The following CYGB variants were observed in gnomAD, a reference collection of about 807,000 sequenced individuals.
CYGB encodes the protein histoglobin.
Under a neutral mutation model 20.7 loss-of-function variants are expected in CYGB, and 13 were observed. The ratio of observed to expected loss-of-function variants is 0.63; its 90% CI spans 0.41 to 1.00. The LOEUF (loss-of-function observed/expected upper bound fraction) is 1.00, where lower values mean the gene tolerates loss of function less well. Ranked by LOEUF, CYGB falls within the 50% of genes least tolerant of loss-of-function variation. The pLI is 0.00. For missense variants in CYGB, 218 were observed against 257.2 expected (o/e 0.85, Z 1.04); for synonymous variants, 93 against 107.4 (o/e 0.87, Z 0.83).
upstream of CYGB, chr17:76,540,258 G>GA (rs765737108): frequency 1.8e-6 from 2 of 1,100,862 alleles, 1 homozygote; most frequent in Non-Finnish European, 2.7e-6. This position sits in a 1 kb window ranked among gnomAD's most constrained non-coding sequence, Gnocchi z 5.0. Context: ...GGTCGGGGGG[G>GA]GGGGGCATGG....
At chr17:76,529,246 G>C (rs2074804635) in intron 3 of CYGB, 7 of 985,292 alleles carry the variant, frequency 7.1e-6, no homozygotes, top group Non-Finnish European at 8.4e-6. Context: ...CTCAGGCCAG[G>C]GACACTAGGG....
chr17:76,547,196 A>C (rs1041121080), intron 1 of CYGB: 2 of 152,296 alleles, frequency 1.3e-5, no homozygotes, highest in Non-Finnish European at 2.9e-5. Context: ...CTGCCCCTTT[A>C]GGACCCCTCA....
Position 76,528,030 on chromosome 17 carries a change from C to T in CYGB, c.*548G>A. 2.7e-6 allele frequency: 1 copy of T among 369,176 alleles called. No individual in the cohort carries two copies. Among genetic ancestry groups the T allele is most frequent in the Non-Finnish European group, 5.3e-6 (1 of 189,768 alleles). 22.9% of individuals were successfully genotyped at this position (369,176 alleles called of 1,614,324 possible). A position where few individuals can be genotyped will look rare whatever the true frequency, so the allele number is the denominator to read the frequency against. Reference sequence around the variant, plus strand: ...CTTTGCCAGAACACTCTGTTCTCTGCACAACCGGAACCCCTCCCTGCCCCA... The same window carrying T: ...CTTTGCCAGAACACTCTGTTCTCTGTACAACCGGAACCCCTCCCTGCCCCA... On this transcript the variant is annotated 3_prime_UTR_variant, in exon 4 of 4. Coordinates refer to ENST00000293230, the MANE Select transcript of CYGB (RefSeq NM_134268.5). The surrounding 1 kb of genome is among the most constrained non-coding windows in gnomAD (Gnocchi z 5.8).
upstream of CYGB, chr17:76,540,643 G>A (rs970752458): frequency 9.7e-5 from 139 of 1,440,130 alleles, no homozygotes; most frequent in Middle Eastern, 3.1e-3. The surrounding 1 kb of genome is among the most constrained non-coding windows in gnomAD (Gnocchi z 5.0). Context: ...ATGCCTGGGG[G>A]TGCACGTGTG....
chr17:76,540,429 C>T (rs1567911160), upstream of CYGB: 6 of 1,509,668 alleles, frequency 4.0e-6, no homozygotes, highest in South Asian at 1.1e-5. This position sits in a 1 kb window ranked among gnomAD's most constrained non-coding sequence, Gnocchi z 5.0. Flanking sequence ...TAGCCCAATG[C>T]GGCCTGGACC....
chr17:76,535,411 T>C (rs1015550860), intron 1 of CYGB, among the ~76,000 whole-genome samples: 36 of 152,098 alleles, frequency 2.4e-4, no homozygotes, highest in Non-Finnish European at 1.5e-4. Flanking sequence ...CAGGAGCCCT[T>C]ATCCCCCTTT....
Position 76,528,673 on chromosome 17 carries a change from G to A in CYGB, c.540-62C>T, listed in dbSNP as rs2074796076. 1 of 1,239,812 alleles carries A rather than the reference G, an allele frequency of 8.1e-7. No individual in the cohort carries two copies. The highest frequency in any genetic ancestry group is 1.6e-5 in the African/African-American group (1 of 64,452). The allele number at this position is 1,239,812 out of a possible 1,614,324, so 76.8% of individuals were successfully genotyped here. A position where few individuals can be genotyped will look rare whatever the true frequency, so the allele number is the denominator to read the frequency against. ...CAGAGGCAGGGAAGGACCCTCGGGGGAAAGGGGGAGGACCTGGGGCTGGCG... is the reference window on the plus strand; with the variant it reads ...CAGAGGCAGGGAAGGACCCTCGGGGAAAAGGGGGAGGACCTGGGGCTGGCG... On this transcript the variant is annotated intron_variant, in intron 3 of 3. Coordinates refer to ENST00000293230, the MANE Select transcript of CYGB (RefSeq NM_134268.5). This position sits in a 1 kb window ranked among gnomAD's most constrained non-coding sequence, Gnocchi z 5.8.
At chr17:76,538,412 C>G (rs1018185152), upstream of CYGB, 1 of 432,788 alleles carries the variant, frequency 2.3e-6, no homozygotes, top group African/African-American at 2.1e-5. Context: ...GAGGCCTGCG[C>G]CCCCTCTCCT....
rs2074788663 is a variant in CYGB, at chr17:76,528,116, G to A, written c.*462C>T. 7.0e-6 allele frequency: 3 copies of A among 426,172 alleles called. No homozygotes were observed. Among genetic ancestry groups the A allele is most frequent in the African/African-American group, 2.0e-5 (1 of 50,372 alleles). The allele number at this position is 426,172 out of a possible 1,614,324, so 26.4% of individuals were successfully genotyped here. A position where few individuals can be genotyped will look rare whatever the true frequency, so the allele number is the denominator to read the frequency against. On this transcript the variant is annotated 3_prime_UTR_variant, in exon 4 of 4. Coordinates refer to ENST00000293230, the MANE Select transcript of CYGB (RefSeq NM_134268.5). This position sits in a 1 kb window ranked among gnomAD's most constrained non-coding sequence, Gnocchi z 5.8. ...GCGGATACACATTCTAGATATGTAT[G>A]TGTGTATATATATATGTATATATAT...
intron 1 of CYGB, among the ~76,000 whole-genome samples, chr17:76,536,146 C>A (rs185650920): frequency 6.6e-6 from 1 of 152,316 alleles, no homozygotes; most frequent in Admixed American, 6.5e-5. Context: ...TGTTTCTGGG[C>A]TTGGGGGCTG....
At chr17:76,543,496 G>A (rs985207319) in intron 1 of CYGB, 27 of 348,028 alleles carry the variant, frequency 7.8e-5, no homozygotes, top group Admixed American at 7.7e-5. Flanking sequence ...GCCTGGTAAT[G>A]TTATTATCCA....
In CYGB at chr17:76,546,304, C is replaced by T. The variant is rs896510699; in HGVS notation, c.-53+4558G>A. ...TCTCTCCTGGAGACTGGAGCATGAC[C>T]AGGGAACTAATGAGGCGGTGGGGGT... On this transcript the variant is annotated intron_variant, in intron 1 of 3. Coordinates refer to the CYGB transcript ENST00000589145. The surrounding 1 kb of genome is among the most constrained non-coding windows in gnomAD (Gnocchi z 4.5). 3.3e-5 allele frequency: 5 copies of T among 152,234 alleles called. No homozygotes were observed. The highest frequency in any genetic ancestry group is 1.2e-4 in the African/African-American group (5 of 41,510). The allele number at this position is 152,234 out of a possible 1,614,324, so 9.4% of individuals were successfully genotyped here.
intron 1 of CYGB, among the ~76,000 whole-genome samples, chr17:76,532,837 G>A (rs547258216): frequency 1.9e-4 from 29 of 152,224 alleles, no homozygotes; most frequent in Non-Finnish European, 4.1e-4. Flanking sequence ...ACGCCCGGCC[G>A]ACAATGACTT....
At chr17:76,545,736 G>T (rs963991159) in intron 1 of CYGB, 1 of 240,952 alleles carries the variant, frequency 4.2e-6, no homozygotes, top group Non-Finnish European at 8.3e-6. Context: ...ATTAGATAAC[G>T]TGTGGAAGAT....
intron 1 of CYGB, chr17:76,542,725 C>G (rs2075006776): frequency 9.9e-6 from 8 of 811,858 alleles, no homozygotes; most frequent in African/African-American, 1.7e-5. Flanking sequence ...GGGAGGATAG[C>G]AGGCAGTGTT....
chr17:76,528,738 G>T lies in CYGB; in HGVS notation c.540-127C>A. On this transcript the variant is annotated intron_variant, in intron 3 of 3. Transcript: ENST00000293230. This position sits in a 1 kb window ranked among gnomAD's most constrained non-coding sequence, Gnocchi z 5.8. The stretch of plus-strand genomic sequence containing the variant: ...CCAAGAGATCCGGCACAGTGCAGTT[G>T]AAAGCAACCGTGAGACCCAAGTTCT... 1 of 1,065,306 alleles carries T rather than the reference G, an allele frequency of 9.4e-7. No individual in the cohort carries two copies. Among genetic ancestry groups the T allele is most frequent in the Non-Finnish European group, 1.2e-6 (1 of 824,792 alleles). The allele number at this position is 1,065,306 out of a possible 1,614,324, so 66.0% of individuals were successfully genotyped here.
chr17:76,529,001 T>G, intron 3 of CYGB: 1 of 998,566 alleles, frequency 1.0e-6, no homozygotes, highest in Non-Finnish European at 1.2e-6. Flanking sequence ...CCCATCTGTA[T>G]TCTCGTATTC....
chr17:76,537,513 G>T lies in CYGB; in HGVS notation c.30C>A (p.Ile10=), dbSNP rs758894641. 5 of 1,574,332 alleles carry T rather than the reference G, an allele frequency of 3.2e-6. No homozygotes were observed. Among genetic ancestry groups the T allele is most frequent in the South Asian group, 1.1e-5 (1 of 87,722 alleles). MEKVPGEME[I]ERRERSEELS... is the part of the protein sequence containing the mutation. ...GCTCCTCGCTCCGCTCCCTGCGCTC[G>T]ATCTCCATCTCGCCTGGCACTTTCT... is the stretch of plus-strand genomic sequence containing the variant. Residue 10 remains isoleucine (I), a synonymous_variant, in exon 1 of 4, where the codon ATC becomes ATA. Coordinates refer to ENST00000293230, the MANE Select transcript of CYGB (RefSeq NM_134268.5).
At chr17:76,549,170 A>AG (rs1396352070) in intron 1 of CYGB, among the ~76,000 whole-genome samples, 2 of 152,256 alleles carry the variant, frequency 1.3e-5, no homozygotes, top group African/African-American at 4.8e-5. Context: ...TGGAAAGACT[A>AG]GGAGTAAATA....
Sources: gnomAD v4.1 joint callset for allele counts (sites outside exome capture counted in the v4.1 genomes callset) on GRCh38, gnomAD v4.1.1 for gene constraint, Gnocchi (gnomAD v3.1) non-coding constraint, MANE v1.5 for transcripts, NCBI Gene and HGNC (gene_info 2026-07-23, HGNC 2026-07-21) for gene names.